The following FOCAD variants were observed in gnomAD, a reference collection of about 807,000 sequenced individuals.
FOCAD encodes KIAA1797.
A neutral mutation model predicts 225.6 loss-of-function variants in FOCAD; 198 were observed. The observed-to-expected ratio is 0.88, with a 90% confidence interval of 0.78 to 0.99. The LOEUF is 0.99. Among genes scored for constraint, FOCAD ranks in the 50% least tolerant of loss-of-function variants. The probability of loss-of-function intolerance (pLI) is 0.00; values close to 1 mark genes in which losing one functional copy is unlikely to be tolerated. For missense variants in FOCAD, 2,713 were observed against 2,123.6 expected, an observed-to-expected ratio of 1.28 and a Z score of -5.46; for synonymous variants, 897 against 755.0, an observed-to-expected ratio of 1.19 and a Z score of -3.08.
At chr9:20,872,533 CT>C (rs1291777698) in intron 18 of FOCAD, among the ~76,000 whole-genome samples, 1 of 144,398 alleles carries the variant, frequency 6.9e-6, no homozygotes, top group Non-Finnish European at 1.5e-5. Context: ...TCCTCTTCCC[CT>C]CCCCCTCCTC....
chr9:20,871,838 G>A (rs1253139830), intron 18 of FOCAD, among the ~76,000 whole-genome samples: 6 of 149,354 alleles, frequency 4.0e-5, no homozygotes, highest in Admixed American at 6.7e-5. Context: ...CAGCACACCA[G>A]CATGGCACAT....
chr9:20,660,874 G>A (rs1238699460), intron 2 of FOCAD, among the ~76,000 whole-genome samples: 1 of 152,110 alleles, frequency 6.6e-6, no homozygotes, highest in East Asian at 1.9e-4. Context: ...ATGAGAGGCA[G>A]ACAGTCAAAG....
chr9:20,729,700 C>T (rs1318964596), intron 4 of FOCAD, among the ~76,000 whole-genome samples: 2 of 152,108 alleles, frequency 1.3e-5, no homozygotes, highest in African/African-American at 4.8e-5. Flanking sequence ...CTGAGGAGTC[C>T]TCTGCACTGG....
At chr9:20,866,291 C>T (rs1444991495) in intron 17 of FOCAD, among the ~76,000 whole-genome samples, 3 of 151,938 alleles carry the variant, frequency 2.0e-5, no homozygotes, top group African/African-American at 2.4e-5. Context: ...CACCAACAAG[C>T]ATACCAAACA....
At chr9:20,862,491 C>T in intron 15 of FOCAD, 87 bp from the exon 16 acceptor site, 2 of 1,420,904 alleles carry the variant, frequency 1.4e-6, no homozygotes, top group Non-Finnish European at 1.9e-6. Flanking sequence ...CTTAAGTTTC[C>T]TTATAATAAA....
chr9:20,934,117 A>C (rs942940014), intron 28 of FOCAD, among the ~76,000 whole-genome samples: 2 of 152,020 alleles, frequency 1.3e-5, no homozygotes, highest in Admixed American at 6.6e-5. Flanking sequence ...GTCCTTTGTC[A>C]GTTGTATATA....
Position 20,881,954 on chromosome 9 carries a change from G to C in FOCAD, c.2401G>C (p.Gly801Arg). The change falls in exon 20 of 44, where the codon GGT becomes CGT. Residue 801 changes from glycine to arginine, a missense_variant. Gly to Arg is a moderately radical substitution (Grantham distance 125). Coordinates refer to ENST00000338382, the MANE Select transcript of FOCAD (RefSeq NM_001375567.1). ...RGIYHSALKGGARSDQGKTVA... is the reference protein window; with the variant it reads ...RGIYHSALKGRARSDQGKTVA... ...GATATATCACTCTGCATTAAAAGGA[G>C]GTGCCCGCTCAGACCAAGGAAAGAC... 1 of 1,613,916 alleles carries C rather than the reference G, an allele frequency of 6.2e-7. No homozygotes were observed. The highest frequency in any genetic ancestry group is 2.2e-5 in the East Asian group (1 of 44,868).
upstream of FOCAD, among the ~76,000 whole-genome samples, chr9:20,681,934 G>T (rs919887569): frequency 1.3e-5 from 2 of 152,174 alleles, no homozygotes; most frequent in African/African-American, 4.8e-5. Flanking sequence ...ATAGGTGTCT[G>T]CTGTGGCCTA....
At chr9:20,757,961 T>C (rs1211482906) in intron 5 of FOCAD, 129 bp from the exon 6 acceptor site, 10 of 475,854 alleles carry the variant, frequency 2.1e-5, no homozygotes, top group Non-Finnish European at 3.4e-5. Context: ...AGTGATCATT[T>C]TGTGACAATT....
chr9:20,993,218 C>T (rs748948611), intron 42 of FOCAD, 35 bp from the exon 43 acceptor site: 1 of 1,550,064 alleles, frequency 6.5e-7, no homozygotes, highest in South Asian at 1.1e-5. Context: ...TGGTAGGATT[C>T]TCTTCTTTGA....
intron 15 of FOCAD, among the ~76,000 whole-genome samples, chr9:20,833,855 A>G (rs1199313018): frequency 1.3e-5 from 2 of 152,110 alleles, no homozygotes; most frequent in Non-Finnish European, 2.9e-5. Flanking sequence ...TGACAATACT[A>G]AATATTGGAG....
intron 16 of FOCAD, chr9:20,863,255 A>C (rs1700323691): frequency 7.2e-6 from 1 of 138,282 alleles, no homozygotes; most frequent in Non-Finnish European, 1.6e-5. Context: ...TGTAAGCCAT[A>C]CTTTTTTTTT....
intron 1 of FOCAD, among the ~76,000 whole-genome samples, chr9:20,691,962 C>T (rs575083728): frequency 1.4e-3 from 220 of 152,074 alleles, no homozygotes; most frequent in African/African-American, 5.2e-3. Context: ...TTAGTAGAGA[C>T]GTTGGCCAGG....
intron 23 of FOCAD, among the ~76,000 whole-genome samples, chr9:20,913,989 A>T (rs1299860155): frequency 6.6e-6 from 1 of 151,750 alleles, no homozygotes; most frequent in African/African-American, 2.4e-5. Flanking sequence ...TTTCGGCTGG[A>T]TGTGGTGGTT....
At position 20,950,981 on chromosome 9, in the gene FOCAD, C is replaced by G. The variant is rs1259237233; in HGVS notation, c.3949-15C>G. ...ATCTTATCCCATCATTGAACTGTTA[C>G]CTTTTTATTTGTAGGTCATTAGTGT... is the stretch of plus-strand genomic sequence containing the variant. On this transcript the variant is annotated splice_polypyrimidine_tract_variant and intron_variant, in intron 33 of 43. Transcript: ENST00000338382. The G allele has an allele frequency of 1.2e-6, 2 of 1,605,248 alleles. No homozygotes were observed. Among genetic ancestry groups the G allele is most frequent in the Non-Finnish European group, 8.5e-7 (1 of 1,172,174 alleles).
intron 12 of FOCAD, among the ~76,000 whole-genome samples, chr9:20,820,109 CTT>C (rs1193899385): frequency 6.6e-6 from 1 of 152,002 alleles, no homozygotes; most frequent in Non-Finnish European, 1.5e-5. Context: ...TAAGTTTTCA[CTT>C]TGGCTATTCT....
intron 2 of FOCAD, among the ~76,000 whole-genome samples, chr9:20,660,126 A>C (rs918313797): frequency 6.6e-6 from 1 of 152,192 alleles, no homozygotes; most frequent in Non-Finnish European, 1.5e-5. Context: ...GTGGTAGCTA[A>C]ATATCCAGAT....
In FOCAD at chr9:20,922,372, G is replaced by C. The variant is rs73648446; in HGVS notation, c.2853-1288G>C. On this transcript the variant is annotated intron_variant, in intron 24 of 43. Transcript: ENST00000338382. Reference sequence around the variant, plus strand: ...GGTGGTGGTGAACAAAATGATCAAGGCTTCAAGTCTTCACAGAGCTTAACC... The same window carrying C: ...GGTGGTGGTGAACAAAATGATCAAGCCTTCAAGTCTTCACAGAGCTTAACC... Among the ~76,000 whole-genome samples, 837 of 152,244 alleles carry C rather than the reference G, an allele frequency of 5.5e-3. 7 individuals carry two copies. The highest frequency in any genetic ancestry group is 0.019 in the African/African-American group (804 of 41,534).
chr9:20,926,176 A>C, intron 25 of FOCAD, 125 bp from the exon 26 acceptor site: 1 of 622,568 alleles, frequency 1.6e-6, no homozygotes, highest in East Asian at 2.7e-5. Context: ...GTCCAAGCAG[A>C]TGAAGTTTAC....
Sources: allele counts gnomAD v4.1 joint callset (sites outside exome capture counted in the v4.1 genomes callset), GRCh38; gene constraint gnomAD v4.1.1; transcripts MANE v1.5; gene names NCBI Gene and HGNC (gene_info 2026-07-23, HGNC 2026-07-21).